Variants in CAMKK2 observed in about 807,000 individuals in gnomAD.
CAMKK2 encodes the protein calcium/calmodulin-dependent protein kinase kinase 2.
CAMKK2 carries 30 observed loss-of-function variants against 67.2 expected under a neutral mutation model. That is an observed-to-expected ratio of 0.45 (90% confidence interval 0.33 to 0.61). The LOEUF (loss-of-function observed/expected upper bound fraction) is 0.61, where lower values mean the gene tolerates loss of function less well. Among genes scored for constraint, CAMKK2 ranks in the 20% least tolerant of loss-of-function variants. The pLI is 0.02. For synonymous variants in CAMKK2, 322 were observed against 326.2 expected, an observed-to-expected ratio of 0.99 and a Z score of 0.14; for missense variants, 643 against 802.0, an observed-to-expected ratio of 0.80 and a Z score of 2.39.
chr12:121,270,920 G>A lies in CAMKK2; in HGVS notation c.497C>T (p.Thr166Ile). 1 of 1,613,632 alleles carries A rather than the reference G, an allele frequency of 6.2e-7. No homozygotes were observed. The highest frequency in any genetic ancestry group is 8.5e-7 in the Non-Finnish European group (1 of 1,179,694). Residue 166 changes from threonine to isoleucine, a missense_variant, in exon 3 of 17, where the codon ACC becomes ATC. Around this residue, in one of 3 missense-constraint regions of CAMKK2, gnomAD observed 483 missense variants for 625.8 expected, o/e 0.77. Transcript: ENST00000404169. ...MQDCVQLNQY[T>I]LKDEIGKGSY... ...TACCTTTCCAATTTCATCCTTCAGG[G>A]TATACTGATTCAGCTGCACACAGTC...
At chr12:121,289,491 TA>T (rs1899523909) in intron 1 of CAMKK2, among the ~76,000 whole-genome samples, 1 of 152,240 alleles carries the variant, frequency 6.6e-6, no homozygotes, top group Non-Finnish European at 1.5e-5. Flanking sequence ...ATAATAATTC[TA>T]AATCTTATTT....
chr12:121,289,705 C>G (rs560687191), intron 1 of CAMKK2, among the ~76,000 whole-genome samples: 17 of 152,014 alleles, frequency 1.1e-4, no homozygotes, highest in Non-Finnish European at 2.2e-4. Context: ...CCAGCCTGGC[C>G]TACATGGTGA....
At position 121,257,775 on chromosome 12, in the gene CAMKK2, C is replaced by T. The variant is rs546538216; in HGVS notation, c.797-1971G>A. ...CAATGCTGCTAAGGTACAGCTTCTA[C>T]AGACAACCCAGCGCTGGCCCCCTCA... is the stretch of plus-strand genomic sequence containing the variant. On this transcript the variant is annotated intron_variant, in intron 7 of 16. Transcript: ENST00000404169. 3.3e-5 allele frequency among the ~76,000 whole-genome samples: 5 copies of T among 152,242 alleles called. No homozygotes were observed. In the East Asian group the frequency reaches 9.6e-4, roughly 29 times the overall value.
upstream of CAMKK2, chr12:121,297,641 C>A (rs745699279): frequency 7.7e-6 from 4 of 517,418 alleles, no homozygotes; most frequent in African/African-American, 1.9e-5. Flanking sequence ...AACCGTCCTA[C>A]GGGGTCGAGC....
intron 1 of CAMKK2, among the ~76,000 whole-genome samples, chr12:121,276,714 C>A (rs975357349): frequency 5.3e-5 from 8 of 151,968 alleles, no homozygotes; most frequent in Admixed American, 4.6e-4. Flanking sequence ...GGTGAAACCC[C>A]GTCTCTACTA....
chr12:121,252,655 T>C lies in CAMKK2; in HGVS notation c.1161+6A>G. 6.2e-7 allele frequency: 1 copy of C among 1,614,038 alleles called. No homozygotes were observed. The highest frequency in any genetic ancestry group is 1.1e-5 in the South Asian group (1 of 91,078). On this transcript the variant is annotated splice_donor_region_variant and intron_variant, in intron 11 of 16. Coordinates refer to ENST00000404169, the MANE Select transcript of CAMKK2 (RefSeq NM_001270485.2). ...TACTGAGGGGACAGACACCCCGCCC[T>C]CTTACCTGGCCAAAGACAAAGCAGT...
intron 3 of CAMKK2, 142 bp from the exon 4 acceptor site, chr12:121,269,723 C>A: frequency 1.5e-6 from 1 of 676,744 alleles, no homozygotes; most frequent in Admixed American, 2.6e-5. Flanking sequence ...CAGGTTTTTA[C>A]AAAGTTTGGA....
rs763580915 is a variant in CAMKK2 at position 121,240,708 on chromosome 12, C to T, written c.1758G>A (p.Glu586=). 1 of 1,602,750 alleles carries T rather than the reference C, an allele frequency of 6.2e-7. No individual in the cohort carries two copies. Among genetic ancestry groups the T allele is most frequent in the Non-Finnish European group, 8.5e-7 (1 of 1,177,268 alleles). Residue 586 remains glutamate (E), a synonymous_variant, in exon 17 of 17, where the codon GAG becomes GAA. Coordinates refer to ENST00000404169, the MANE Select transcript of CAMKK2 (RefSeq NM_001270485.2). This position sits in a 1 kb window ranked among gnomAD's most constrained non-coding sequence, Gnocchi z 4.4. ...CGAGCGATCCAGGCAGCTACTCGGG[C>T]TCCATGGCCTCCTCCGGCCGCAGTG... ...MHPLRPEEAM[E]PE
chr12:121,262,329 G>A (rs780390765), intron 6 of CAMKK2, among the ~76,000 whole-genome samples: 7 of 151,952 alleles, frequency 4.6e-5, no homozygotes, highest in Non-Finnish European at 7.4e-5. Flanking sequence ...TGACTAACAC[G>A]GTGAAACCCC....
intron 9 of CAMKK2, among the ~76,000 whole-genome samples, chr12:121,255,085 G>A (rs886893890): frequency 2.7e-5 from 4 of 146,420 alleles, no homozygotes; most frequent in East Asian, 4.0e-4. Context: ...CAGACTCCAC[G>A]TTCTTTAGTT....
At position 121,276,159 on chromosome 12, in the gene CAMKK2, C is replaced by CAA. The variant is rs373596430; in HGVS notation, c.-59-1576_-59-1575dup. Reference sequence around the variant, plus strand: ...TGGATGACAGAGTGAGACTCCATCTCAAAAAAAAAAAAAAAGAGAGAGAAG... The same window carrying CAA: ...TGGATGACAGAGTGAGACTCCATCTCAAAAAAAAAAAAAAAAAGAGAGAGAAG... On this transcript the variant is annotated intron_variant, in intron 1 of 16. Coordinates refer to ENST00000404169, the MANE Select transcript of CAMKK2 (RefSeq NM_001270485.2). Among the ~76,000 whole-genome samples the CAA allele has an allele frequency of 8.4e-3, 1,018 of 120,702 alleles. 13 individuals are homozygous for CAA. The highest frequency in any genetic ancestry group is 0.025 in the African/African-American group (786 of 31,246). The allele number at this position is 120,702 out of a possible 152,430, so 79.2% of individuals were successfully genotyped here. A position where few individuals can be genotyped will look rare whatever the true frequency, so the allele number is the denominator to read the frequency against.
chr12:121,250,609 A>G (rs934116649), intron 11 of CAMKK2, among the ~76,000 whole-genome samples: 2 of 151,864 alleles, frequency 1.3e-5, no homozygotes, highest in Admixed American at 6.6e-5. Context: ...ACAACCCCCA[A>G]TGCCGCCACC....
At chr12:121,278,581 G>A (rs1897203461) in intron 1 of CAMKK2, among the ~76,000 whole-genome samples, 1 of 152,190 alleles carries the variant, frequency 6.6e-6, no homozygotes, top group Non-Finnish European at 1.5e-5. Context: ...TCTCATGGTG[G>A]TAAGCCTCAC....
chr12:121,269,499 G>C (rs756346032), intron 4 of CAMKK2, 29 bp downstream of exon 4: 10 of 1,562,346 alleles, frequency 6.4e-6, no homozygotes, highest in African/African-American at 1.4e-5. Flanking sequence ...GATAAGGATG[G>C]GGGCAGGGAG....
chr12:121,290,070 G>A lies in CAMKK2; in HGVS notation c.-60+6568C>T, dbSNP rs149540311. Among the ~76,000 whole-genome samples the A allele has an allele frequency of 9.9e-4, 151 of 152,232 alleles. 2 individuals carry two copies. The East Asian group carries it at 0.026, about 26-fold the overall frequency. On this transcript the variant is annotated intron_variant, in intron 1 of 16. Coordinates refer to ENST00000404169, the MANE Select transcript of CAMKK2 (RefSeq NM_001270485.2). ...GGCTATAGAGTTGATCTTCTCTATG[G>A]CAGTCCCTAGTACACAGCGTGGCTC...
In CAMKK2 at chr12:121,266,964, A is replaced by G. The variant is rs992109679; in HGVS notation, c.625+1674T>C. ...GCTAAAAGCCAAGGCTGCCTATAGG[A>G]GAAGGAAAGAGGTCAGCAAGAAACT... is the stretch of plus-strand genomic sequence containing the variant. On this transcript the variant is annotated intron_variant, in intron 5 of 16. Transcript: ENST00000404169. Among the ~76,000 whole-genome samples the G allele has an allele frequency of 7.8e-5, 11 of 141,772 alleles. No homozygotes were observed. The Admixed American group carries it at 8.0e-4, about 10-fold the overall frequency. 93.0% of individuals were successfully genotyped at this position (141,772 alleles called of 152,430 possible).
rs113236830 is a variant in CAMKK2, at chr12:121,290,755, A to G, written c.-60+5883T>C. On this transcript the variant is annotated intron_variant, in intron 1 of 16. Coordinates refer to ENST00000404169, the MANE Select transcript of CAMKK2 (RefSeq NM_001270485.2). ...TGAATAAAACCAAGACTGTCCCTGA[A>G]AATTGTAATGAAATGACCATGAATT... 9.8e-5 allele frequency among the ~76,000 whole-genome samples: 15 copies of G among 152,292 alleles called. 1 individual carries two copies. Among genetic ancestry groups the G allele is most frequent in the African/African-American group, 3.6e-4 (15 of 41,564 alleles).
chr12:121,290,041 G>C (rs948752063), intron 1 of CAMKK2, among the ~76,000 whole-genome samples: 1 of 152,188 alleles, frequency 6.6e-6, no homozygotes, highest in Non-Finnish European at 1.5e-5. Flanking sequence ...CTACCTAAGA[G>C]GGTGGCTATA....
In CAMKK2 at chr12:121,274,354, C is replaced by G; in HGVS notation, c.173G>C (p.Cys58Ser). The change falls in exon 2 of 17, where the codon TGT becomes TCT. Residue 58 changes from cysteine (C) to serine (S), a missense_variant. Physicochemically the swap from Cys to Ser is moderately radical, Grantham distance 112. Coordinates refer to ENST00000404169, the MANE Select transcript of CAMKK2 (RefSeq NM_001270485.2). ...GMESFIVVTE[C>S]EPGCAVDLGL... ...GAGGTCCACAGCACAGCCCGGCTCA[C>G]ACTCGGTGACCACAATGAAGGACTC... 6.2e-7 allele frequency: 1 copy of G among 1,613,544 alleles called. No homozygotes were observed.
Sources: allele counts gnomAD v4.1 joint callset (sites outside exome capture counted in the v4.1 genomes callset), GRCh38; gene constraint gnomAD v4.1.1; regional missense constraint gnomAD v4.1.1; non-coding constraint Gnocchi (gnomAD v3.1); transcripts MANE v1.5; gene names NCBI Gene and HGNC (gene_info 2026-07-23, HGNC 2026-07-21).